KCNIP1: variants seen among roughly 807,000 people sequenced by gnomAD.
KCNIP1 encodes A-type potassium channel modulatory protein KCNIP1.
A neutral mutation model predicts 33.0 loss-of-function variants in KCNIP1; 18 were observed. The ratio of observed to expected loss-of-function variants is 0.55; its 90% CI spans 0.38 to 0.81. The LOEUF (loss-of-function observed/expected upper bound fraction) is 0.81. KCNIP1 is among the 30% of genes least tolerant of loss of function. KCNIP1 has a pLI of 0.00. For synonymous variants in KCNIP1, 93 were observed against 98.3 expected, an observed-to-expected ratio of 0.95 and a Z score of 0.32; for missense variants, 238 against 271.6, an observed-to-expected ratio of 0.88 and a Z score of 0.87.
chr5:170,726,002 A>AC (rs1365168012), intron 5 of KCNIP1, among the ~76,000 whole-genome samples: 3 of 152,206 alleles, frequency 2.0e-5, no homozygotes, highest in African/African-American at 7.2e-5. Context: ...ATAGACTTAA[A>AC]TATTAAAACA....
chr5:170,399,974 G>C (rs1349910040), intron 1 of KCNIP1, among the ~76,000 whole-genome samples: 1 of 152,180 alleles, frequency 6.6e-6, no homozygotes, highest in Non-Finnish European at 1.5e-5. Flanking sequence ...TTTTCTGGAA[G>C]CATAGGATCT....
intron 1 of KCNIP1, among the ~76,000 whole-genome samples, chr5:170,641,708 T>G (rs1237138148): frequency 6.6e-6 from 1 of 152,186 alleles, no homozygotes; most frequent in Non-Finnish European, 1.5e-5. Context: ...GGCTCCATTG[T>G]CTGTGCATGT....
intron 1 of KCNIP1, among the ~76,000 whole-genome samples, chr5:170,542,610 G>A (rs944931578): frequency 2.6e-5 from 4 of 152,106 alleles, no homozygotes; most frequent in South Asian, 2.1e-4. Context: ...AAGACCCCCC[G>A]TTGGCACCTG....
chr5:170,417,088 C>T (rs1328328440), intron 1 of KCNIP1, among the ~76,000 whole-genome samples: 1 of 152,182 alleles, frequency 6.6e-6, no homozygotes, highest in Non-Finnish European at 1.5e-5. Flanking sequence ...CAATGAGAAT[C>T]TCCACTAAGA....
At chr5:170,563,584 A>C (rs2113462390) in intron 1 of KCNIP1, among the ~76,000 whole-genome samples, 1 of 152,160 alleles carries the variant, frequency 6.6e-6, no homozygotes, top group Non-Finnish European at 1.5e-5. Context: ...AGTCATAAGC[A>C]CAGTTTACAA....
intron 1 of KCNIP1, among the ~76,000 whole-genome samples, chr5:170,615,424 A>G (rs1052674902): frequency 2.6e-5 from 4 of 152,186 alleles, no homozygotes; most frequent in African/African-American, 9.7e-5. Flanking sequence ...TAACATTTTA[A>G]TGGCCTGAGT....
intron 1 of KCNIP1, among the ~76,000 whole-genome samples, chr5:170,468,534 C>G (rs201765104): frequency 6.6e-6 from 1 of 152,132 alleles, no homozygotes; most frequent in South Asian, 2.1e-4. Flanking sequence ...ATATTTTTGG[C>G]GCCTAAGAGC....
chr5:170,462,546 T>A (rs916800785), intron 1 of KCNIP1, among the ~76,000 whole-genome samples: 1 of 152,134 alleles, frequency 6.6e-6, no homozygotes, highest in Non-Finnish European at 1.5e-5. Context: ...GTAAAACTAG[T>A]ACAACCACTA....
intron 1 of KCNIP1, among the ~76,000 whole-genome samples, chr5:170,398,211 C>G (rs1754809063): frequency 6.6e-6 from 1 of 152,122 alleles, no homozygotes; most frequent in South Asian, 2.1e-4. Flanking sequence ...TTTGGAATGC[C>G]CTGGTGAGAG....
chr5:170,378,926 G>A (rs761058886), intron 1 of KCNIP1: 20 of 1,614,050 alleles, frequency 1.2e-5, no homozygotes, highest in Middle Eastern at 1.6e-4. Context: ...TCTCCACGTC[G>A]GCCCGGGCCG....
At chr5:170,401,053 C>A (rs1204388824) in intron 1 of KCNIP1, among the ~76,000 whole-genome samples, 3 of 152,214 alleles carry the variant, frequency 2.0e-5, no homozygotes, top group African/African-American at 7.2e-5. Context: ...GAGGGCTCCC[C>A]TACCATCCTT....
At chr5:170,569,447 C>G (rs1321066025) in intron 1 of KCNIP1, among the ~76,000 whole-genome samples, 2 of 152,242 alleles carry the variant, frequency 1.3e-5, no homozygotes, top group Non-Finnish European at 2.9e-5. Flanking sequence ...AGAGGGCAGT[C>G]CAGGTTCCTA....
intron 1 of KCNIP1, among the ~76,000 whole-genome samples, chr5:170,700,230 A>G (rs7721817): frequency 0.16 from 24,394 of 151,876 alleles, 2,362 homozygotes; most frequent in African/African-American, 0.27. Flanking sequence ...TCCTCCTTCC[A>G]GGCTCTGTGT....
chr5:170,659,205 G>T (rs1454581461), intron 1 of KCNIP1, among the ~76,000 whole-genome samples: 1 of 152,036 alleles, frequency 6.6e-6, no homozygotes, highest in Non-Finnish European at 1.5e-5. Flanking sequence ...AAGAGCCTTT[G>T]GAAAGCAGCT....
At position 170,735,942 on chromosome 5, in the gene KCNIP1, T is replaced by C; in HGVS notation, c.*136T>C. On this transcript the variant is annotated 3_prime_UTR_variant, in exon 8 of 8. Transcript: ENST00000328939. ...CCTTTTACACTTTGGAAGAATTCTC[T>C]GCTGAAGACTTTCTATGGAACCCAG... The C allele has an allele frequency of 5.6e-6, 4 of 709,556 alleles. No homozygotes were observed. The highest frequency in any genetic ancestry group is 9.6e-6 in the Non-Finnish European group (4 of 416,494). The allele number at this position is 709,556 out of a possible 1,614,324, so 44.0% of individuals were successfully genotyped here. A position where few individuals can be genotyped will look rare whatever the true frequency, so the allele number is the denominator to read the frequency against.
Position 170,461,505 on chromosome 5 carries a change from C to T in KCNIP1, c.88+107541C>T, listed in dbSNP as rs1756500255. Reference sequence around the variant, plus strand: ...GTGGCTCACACCTGTAATCCCAGCACTTTGGGAGACCGAGGCAGGCGGATC... The same window carrying T: ...GTGGCTCACACCTGTAATCCCAGCATTTTGGGAGACCGAGGCAGGCGGATC... On this transcript the variant is annotated intron_variant, in intron 1 of 7. Coordinates refer to the KCNIP1 transcript ENST00000377360. Among the ~76,000 whole-genome samples, 5 of 152,122 alleles carry T rather than the reference C, an allele frequency of 3.3e-5. No homozygotes were observed. In the South Asian group the frequency reaches 1.0e-3, roughly 32 times the overall value.
chr5:170,677,473 C>A (rs1349446971), intron 1 of KCNIP1, among the ~76,000 whole-genome samples: 1 of 152,100 alleles, frequency 6.6e-6, no homozygotes, highest in Non-Finnish European at 1.5e-5. Flanking sequence ...CCTTTTGGAG[C>A]TTGAGTGACT....
chr5:170,395,635 A>C (rs1321721780), intron 1 of KCNIP1, among the ~76,000 whole-genome samples: 1 of 152,200 alleles, frequency 6.6e-6, no homozygotes, highest in East Asian at 1.9e-4. Context: ...TGGGGACCAG[A>C]ACAGGTGGAT....
intron 1 of KCNIP1, among the ~76,000 whole-genome samples, chr5:170,529,775 G>A (rs1755716688): frequency 6.6e-6 from 1 of 152,162 alleles, no homozygotes; most frequent in East Asian, 1.9e-4. Context: ...GTTGCCCAGA[G>A]TTAGAGCTTA....
Sources: gnomAD v4.1 joint callset for allele counts (sites outside exome capture counted in the v4.1 genomes callset) on GRCh38, gnomAD v4.1.1 for gene constraint, MANE v1.5 for transcripts, NCBI Gene and HGNC (gene_info 2026-07-23, HGNC 2026-07-21) for gene names.